Variants in NAALADL2 observed in about 807,000 individuals in gnomAD.
NAALADL2 encodes inactive N-acetylated-alpha-linked acidic dipeptidase-like protein 2.
A neutral mutation model predicts 87.2 loss-of-function variants in NAALADL2; 76 were observed. The ratio of observed to expected loss-of-function variants is 0.87; its 90% confidence interval spans 0.72 to 1.05. The LOEUF (loss-of-function observed/expected upper bound fraction) is 1.05, where lower values mean the gene tolerates loss of function less well. Ranked by LOEUF, NAALADL2 falls within the 50% of genes least tolerant of loss-of-function variation. NAALADL2 has a pLI of 0.00. For synonymous variants in NAALADL2, 354 were observed against 331.0 expected, an observed-to-expected ratio of 1.07 and a Z score of -0.75; for missense variants, 1,089 against 945.8, an observed-to-expected ratio of 1.15 and a Z score of -1.99.
intron 3 of NAALADL2, among the ~76,000 whole-genome samples, chr3:174,782,446 A>G (rs975377188): frequency 1.3e-5 from 2 of 149,816 alleles, no homozygotes; most frequent in African/African-American, 4.9e-5. Flanking sequence ...TTGCCTTAAC[A>G]CAAATGATAC....
intron 9 of NAALADL2, among the ~76,000 whole-genome samples, chr3:175,535,426 C>A (rs564551347): frequency 1.3e-5 from 2 of 152,180 alleles, no homozygotes; most frequent in African/African-American, 4.8e-5. Flanking sequence ...CTACTCTCCA[C>A]GACAGTTGTC....
At chr3:174,499,667 T>A (rs73881181) in intron 1 of NAALADL2, among the ~76,000 whole-genome samples, 2,135 of 152,236 alleles carry the variant, frequency 0.014, 48 homozygotes, top group African/African-American at 0.049. Context: ...GCATCAGTTA[T>A]TGAAAAGACT....
intron 5 of NAALADL2, among the ~76,000 whole-genome samples, chr3:175,348,095 AGGCTGGAGTGCAACAG>A (rs1388784297): frequency 6.6e-6 from 1 of 152,130 alleles, no homozygotes; most frequent in Non-Finnish European, 1.5e-5. Flanking sequence ...CTTGTTGCCC[AGGCTGGAGTGCAACAG>A]TGTGATCTTG....
chr3:174,894,410 G>A (rs929142193), intron 1 of NAALADL2, among the ~76,000 whole-genome samples: 43 of 151,732 alleles, frequency 2.8e-4, no homozygotes, highest in African/African-American at 9.7e-4. Flanking sequence ...GGCCAACATG[G>A]AGAAACCCCA....
At chr3:175,582,081 A>G (rs9831226) in intron 10 of NAALADL2, among the ~76,000 whole-genome samples, 3,934 of 152,278 alleles carry the variant, frequency 0.026, 117 homozygotes, top group Admixed American at 0.064. Context: ...CAACAAATCA[A>G]CAGTTATAGA....
chr3:175,171,263 A>T (rs571023723), intron 2 of NAALADL2, among the ~76,000 whole-genome samples: 1 of 152,064 alleles, frequency 6.6e-6, no homozygotes, highest in Non-Finnish European at 1.5e-5. Flanking sequence ...ACACTGAAAG[A>T]CTAGGCAAGT....
intron 3 of NAALADL2, among the ~76,000 whole-genome samples, chr3:174,785,131 A>G (rs1419231447): frequency 6.6e-6 from 1 of 152,194 alleles, no homozygotes; most frequent in African/African-American, 2.4e-5. Flanking sequence ...TCACCCATGT[A>G]GTCAGCACAG....
intron 11 of NAALADL2, among the ~76,000 whole-genome samples, chr3:175,642,833 A>G (rs1729490054): frequency 6.6e-6 from 1 of 152,192 alleles, no homozygotes; most frequent in Non-Finnish European, 1.5e-5. Context: ...AGTGATGCTC[A>G]GAGGAAAGCA....
intron 2 of NAALADL2, among the ~76,000 whole-genome samples, chr3:174,569,824 C>T (rs747295378): frequency 6.6e-6 from 1 of 152,034 alleles, no homozygotes; most frequent in East Asian, 1.9e-4. Flanking sequence ...ATTGTTTAGC[C>T]TACAGCTTCC....
intron 1 of NAALADL2, among the ~76,000 whole-genome samples, chr3:174,939,077 A>G (rs1237291989): frequency 1.3e-5 from 2 of 151,938 alleles, no homozygotes; most frequent in Non-Finnish European, 2.9e-5. Flanking sequence ...CATGAAATCT[A>G]TGTCCATTCC....
chr3:175,231,868 G>C (rs1290550525), intron 2 of NAALADL2, among the ~76,000 whole-genome samples: 1 of 151,996 alleles, frequency 6.6e-6, no homozygotes, highest in Non-Finnish European at 1.5e-5. Flanking sequence ...CTGTCAAATT[G>C]TGTTGTTTTT....
chr3:174,445,816 C>T (rs987707227), intron 1 of NAALADL2, among the ~76,000 whole-genome samples: 2 of 151,908 alleles, frequency 1.3e-5, no homozygotes, highest in African/African-American at 4.8e-5. Context: ...AAAAAACATG[C>T]GATTATATGA....
intron 1 of NAALADL2, among the ~76,000 whole-genome samples, chr3:174,485,833 G>A: frequency 6.6e-6 from 1 of 151,922 alleles, no homozygotes; most frequent in African/African-American, 2.4e-5. Context: ...GAATGGTATT[G>A]CCTAGGTCGT....
At chr3:175,614,089 G>A (rs554626976) in intron 10 of NAALADL2, among the ~76,000 whole-genome samples, 17 of 152,216 alleles carry the variant, frequency 1.1e-4, no homozygotes, top group Admixed American at 3.9e-4. Flanking sequence ...GTCTTGCTCC[G>A]TCACCCAGGT....
At chr3:175,732,779 C>T (rs1291503587) in intron 11 of NAALADL2, among the ~76,000 whole-genome samples, 3 of 151,658 alleles carry the variant, frequency 2.0e-5, no homozygotes, top group East Asian at 1.9e-4. Flanking sequence ...TGCAAAGATA[C>T]GTTAGGAATT....
chr3:175,103,145 C>T (rs1444431768), intron 2 of NAALADL2, among the ~76,000 whole-genome samples: 2 of 150,442 alleles, frequency 1.3e-5, no homozygotes, highest in Non-Finnish European at 3.0e-5. Flanking sequence ...TTCAACAATA[C>T]CATGATGAAT....
intron 1 of NAALADL2, among the ~76,000 whole-genome samples, chr3:175,038,357 T>C (rs570520775): frequency 6.6e-6 from 1 of 152,224 alleles, no homozygotes; most frequent in African/African-American, 2.4e-5. Flanking sequence ...TACTGACACT[T>C]TCACTAAGAC....
intron 1 of NAALADL2, among the ~76,000 whole-genome samples, chr3:175,041,083 G>A (rs776130909): frequency 1.1e-4 from 17 of 151,950 alleles, no homozygotes; most frequent in Admixed American, 3.3e-4. Context: ...CATTATTATC[G>A]ATATTTTGCA....
At chr3:174,596,048 A>G (rs1017564197) in intron 2 of NAALADL2, among the ~76,000 whole-genome samples, 1 of 151,978 alleles carries the variant, frequency 6.6e-6, no homozygotes, top group Non-Finnish European at 1.5e-5. Context: ...AAAAATAACA[A>G]AACACAAACA....
Sources: allele counts gnomAD v4.1 joint callset (sites outside exome capture counted in the v4.1 genomes callset), GRCh38; gene constraint gnomAD v4.1.1; transcripts MANE v1.5; gene names NCBI Gene and HGNC (gene_info 2026-07-23, HGNC 2026-07-21).